TNRC18: variants seen among roughly 807,000 people sequenced by gnomAD.
TNRC18 encodes trinucleotide repeat containing 18.
TNRC18 carries 69 observed loss-of-function variants against 226.7 expected under a neutral mutation model. That is an observed-to-expected ratio of 0.30 (90% CI 0.25 to 0.37). TNRC18 has a LOEUF of 0.37. Ranked by LOEUF, TNRC18 falls within the 10% of genes least tolerant of loss-of-function variation. The probability of loss-of-function intolerance (pLI) is 1.00; values close to 1 mark genes in which losing one functional copy is unlikely to be tolerated. For missense variants in TNRC18, 4,754 were observed against 4,256.6 expected, an observed-to-expected ratio of 1.12 and a Z score of -3.25; for synonymous variants, 2,449 against 1,927.6, an observed-to-expected ratio of 1.27 and a Z score of -7.09.
intron 3 of TNRC18, 110 bp from the exon 4 acceptor site, chr7:5,390,738 G>T: frequency 7.6e-7 from 1 of 1,317,280 alleles, no homozygotes; most frequent in South Asian, 1.7e-5. Flanking sequence ...CTGGTACAGG[G>T]CGCCTTGAGG....
rs763478136 is a variant in TNRC18 at position 5,307,416 on chromosome 7, C to T, written c.*690G>A. 5.2e-5 allele frequency: 17 copies of T among 325,766 alleles called. No homozygotes were observed. The highest frequency in any genetic ancestry group is 7.0e-5 in the Non-Finnish European group (11 of 158,208). The allele number at this position is 325,766 out of a possible 1,614,324, so 20.2% of individuals were successfully genotyped here. A position where few individuals can be genotyped will look rare whatever the true frequency, so the allele number is the denominator to read the frequency against. ...TGGGTGGGGAGGGGCCAGGCGTGGCCGGGCGACAGTTTCAGCACCATTGGG... is the reference window on the plus strand; with the variant it reads ...TGGGTGGGGAGGGGCCAGGCGTGGCTGGGCGACAGTTTCAGCACCATTGGG... On this transcript the variant is annotated 3_prime_UTR_variant, in exon 30 of 30. Transcript: ENST00000430969.
rs752551190 is a variant in TNRC18, at chr7:5,371,260, G to A, written c.3334C>T (p.Pro1112Ser). The part of the protein sequence containing the change: ...TAAADADGLA[P>S]DVPLPADGPE... Reference sequence around the variant, plus strand: ...CCATCAGCCGGGAGCGGCACATCAGGGGCCAAGCCGTCCGCGTCGGCGGCG... The same window carrying A: ...CCATCAGCCGGGAGCGGCACATCAGAGGCCAAGCCGTCCGCGTCGGCGGCG... Residue 1112 changes from proline to serine, a missense_variant, in exon 11 of 30, where the codon CCT (proline) becomes TCT (serine). Transcript: ENST00000430969. 2 of 1,598,110 alleles carry A rather than the reference G, an allele frequency of 1.3e-6. No individual in the cohort carries two copies. Among genetic ancestry groups the A allele is most frequent in the East Asian group, 4.5e-5 (2 of 44,482 alleles).
chr7:5,357,276 G>C lies in TNRC18; in HGVS notation c.4834C>G (p.Leu1612Val). The change falls in exon 16 of 30, where the codon CTA becomes GTA. Residue 1612 changes from leucine (L) to valine (V), a missense_variant and splice_region_variant. Coordinates refer to ENST00000430969, the MANE Select transcript of TNRC18 (RefSeq NM_001080495.3). ...HEASSDFISQ[L>V]KIKKKKMASD... ...GCCATCTTCTTCTTCTTAATCTTTA[G>C]CTGGAGAGGGAAGGTGGGTCATGGG... The C allele has an allele frequency of 6.2e-7, 1 of 1,608,434 alleles. No homozygotes were observed. Among genetic ancestry groups the C allele is most frequent in the Non-Finnish European group, 8.5e-7 (1 of 1,177,244 alleles).
intron 16 of TNRC18, among the ~76,000 whole-genome samples, chr7:5,354,901 A>AT (rs1018889418): frequency 3.9e-5 from 6 of 152,230 alleles, no homozygotes; most frequent in African/African-American, 1.4e-4. Flanking sequence ...TTAAGAAAAC[A>AT]TGCTTTACGG....
At chr7:5,349,932 C>T (rs1791608177) in intron 17 of TNRC18, among the ~76,000 whole-genome samples, 1 of 152,134 alleles carries the variant, frequency 6.6e-6, no homozygotes. Context: ...CCCGCCTCCC[C>T]TCACCCCCCG....
rs764873435 is a variant in TNRC18, at chr7:5,374,183, G to C, written c.3101C>G (p.Pro1034Arg). Residue 1034 changes from proline (P) to arginine (R), a missense_variant, in exon 10 of 30, where the codon CCG (proline) becomes CGG (arginine). Coordinates refer to ENST00000430969, the MANE Select transcript of TNRC18 (RefSeq NM_001080495.3). Reference sequence around the variant, plus strand: ...GGTGGGCGGTGGGGAGGCGGGCGGCGGGCTGGTGGGGTGGGAGCTGGGGGT... The same window carrying C: ...GGTGGGCGGTGGGGAGGCGGGCGGCCGGCTGGTGGGGTGGGAGCTGGGGGT... ...PATPSSHPTS[P>R]PPASPPPTPG... is the part of the protein sequence containing the mutation. The C allele has an allele frequency of 2.8e-6, 4 of 1,421,680 alleles. No individual in the cohort carries two copies. In the East Asian group the frequency reaches 8.7e-5, roughly 31 times the overall value. 88.1% of individuals were successfully genotyped at this position (1,421,680 alleles called of 1,614,324 possible). A position where few individuals can be genotyped will look rare whatever the true frequency, so the allele number is the denominator to read the frequency against.
rs991264203 is a variant in TNRC18 at position 5,324,393 on chromosome 7, T to C, written c.6301-38A>G. 6.2e-7 allele frequency: 1 copy of C among 1,605,540 alleles called. No individual in the cohort carries two copies. The highest frequency in any genetic ancestry group is 1.3e-5 in the African/African-American group (1 of 74,936). On this transcript the variant is annotated intron_variant, in intron 20 of 29. Coordinates refer to ENST00000430969, the MANE Select transcript of TNRC18 (RefSeq NM_001080495.3). The surrounding 1 kb of genome is among the most constrained non-coding windows in gnomAD (Gnocchi z 4.8). ...CATGGCCGACAAATGACTTAGGACC[T>C]GAACAGGGGTCCTGCCGGGTTGGGG...
chr7:5,406,850 CAA>C (rs770572593), intron 2 of TNRC18, among the ~76,000 whole-genome samples: 2 of 94,554 alleles, frequency 2.1e-5, no homozygotes. Context: ...GACTCTGTCT[CAA>C]AAAAAAAAAA....
chr7:5,413,432 C>T lies in TNRC18; in HGVS notation c.187+7628G>A, dbSNP rs1167156448. ...ACCTCCAAAGGGCCATAACCCTGGA[C>T]ACCTCCAGCCTCCCTCCCTGGTAAC... On this transcript the variant is annotated intron_variant, in intron 2 of 29. Transcript: ENST00000430969. 2.6e-5 allele frequency among the ~76,000 whole-genome samples: 4 copies of T among 152,320 alleles called. No individual in the cohort carries two copies. The South Asian group carries it at 6.2e-4, about 24-fold the overall frequency.
Position 5,324,079 on chromosome 7 carries a change from C to T in TNRC18, c.6442+135G>A, listed in dbSNP as rs1788648240. 9.8e-7 allele frequency: 1 copy of T among 1,019,286 alleles called. No homozygotes were observed. Among genetic ancestry groups the T allele is most frequent in the Non-Finnish European group, 1.4e-6 (1 of 714,548 alleles). 63.1% of individuals were successfully genotyped at this position (1,019,286 alleles called of 1,614,324 possible). On this transcript the variant is annotated intron_variant, in intron 21 of 29. Coordinates refer to ENST00000430969, the MANE Select transcript of TNRC18 (RefSeq NM_001080495.3). This position sits in a 1 kb window ranked among gnomAD's most constrained non-coding sequence, Gnocchi z 4.8. The stretch of plus-strand genomic sequence containing the variant: ...TTCTCATCGACCCGGATAACTCAGC[C>T]TCAGGATCTCTGCTCCTGTGGTTCC...
At chr7:5,359,161 A>G (rs1792768154) in intron 15 of TNRC18, among the ~76,000 whole-genome samples, 2 of 152,196 alleles carry the variant, frequency 1.3e-5, no homozygotes, top group Non-Finnish European at 2.9e-5. Context: ...GATAGCTTTT[A>G]GGCCTCCTGT....
At chr7:5,349,042 C>T (rs1306706399) in intron 17 of TNRC18, among the ~76,000 whole-genome samples, 1 of 152,178 alleles carries the variant, frequency 6.6e-6, no homozygotes, top group Non-Finnish European at 1.5e-5. Flanking sequence ...GCGCAGACTC[C>T]AGAAATCTTT....
intron 14 of TNRC18, 73 bp downstream of exon 14, chr7:5,361,521 G>T (rs1181876053): frequency 2.8e-6 from 4 of 1,419,320 alleles, no homozygotes; most frequent in Admixed American, 3.0e-5. Context: ...CCCGAGGCAG[G>T]CCCTGCGTGG....
At position 5,312,834 on chromosome 7, in the gene TNRC18, G is replaced by A. The variant is rs1174301718; in HGVS notation, c.8057C>T (p.Ala2686Val). Residue 2686 changes from alanine to valine, a missense_variant, in exon 27 of 30, where the codon GCC becomes GTC. Transcript: ENST00000430969. The surrounding 1 kb of genome is among the most constrained non-coding windows in gnomAD (Gnocchi z 6.3). ...GGAAGGGCCAGCCGTGGGGGCGGGGGCTGCCTCATCGTCCGAGCTGCAGGA... is the reference window on the plus strand; with the variant it reads ...GGAAGGGCCAGCCGTGGGGGCGGGGACTGCCTCATCGTCCGAGCTGCAGGA... ...DSSCSSDDEA[A>V]PAPTAGPSAQ... 7 of 1,530,640 alleles carry A rather than the reference G, an allele frequency of 4.6e-6. No individual in the cohort carries two copies. Among genetic ancestry groups the A allele is most frequent in the East Asian group, 2.3e-5 (1 of 43,312 alleles). The allele number at this position is 1,530,640 out of a possible 1,614,324, so 94.8% of individuals were successfully genotyped here.
intron 11 of TNRC18, among the ~76,000 whole-genome samples, chr7:5,366,680 C>G (rs1023353616): frequency 1.3e-5 from 2 of 152,104 alleles, no homozygotes; most frequent in African/African-American, 4.8e-5. Context: ...CTGATCAGCT[C>G]CCAAAGGTTG....
intron 9 of TNRC18, 27 bp from the exon 10 acceptor site, chr7:5,374,511 A>C (rs1028201218): frequency 6.5e-7 from 1 of 1,533,060 alleles, no homozygotes; most frequent in South Asian, 1.2e-5. Flanking sequence ...AGGCAGGGTC[A>C]GCACGGCACG....
intron 18 of TNRC18, among the ~76,000 whole-genome samples, chr7:5,344,885 C>CA (rs1791014431): frequency 6.6e-6 from 1 of 152,164 alleles, no homozygotes; most frequent in Admixed American, 6.5e-5. Flanking sequence ...GGGAAACAGT[C>CA]AGAGATGGAG....
chr7:5,403,465 T>G (rs1468543395), intron 2 of TNRC18, among the ~76,000 whole-genome samples: 2 of 151,226 alleles, frequency 1.3e-5, no homozygotes, highest in African/African-American at 4.8e-5. Flanking sequence ...CGGTTTATCT[T>G]CACGTTTTAA....
intron 2 of TNRC18, among the ~76,000 whole-genome samples, chr7:5,412,129 T>C (rs1250895524): frequency 1.3e-5 from 2 of 150,046 alleles, no homozygotes; most frequent in Non-Finnish European, 2.9e-5. Context: ...GTTGAGGCTG[T>C]AGTGAGCCAC....
Sources: allele counts gnomAD v4.1 joint callset (sites outside exome capture counted in the v4.1 genomes callset), GRCh38; gene constraint gnomAD v4.1.1; non-coding constraint Gnocchi (gnomAD v3.1); transcripts MANE v1.5; gene names NCBI Gene and HGNC (gene_info 2026-07-23, HGNC 2026-07-21).